CUX2: variants seen among roughly 807,000 people sequenced by gnomAD.
CUX2 encodes the protein cut like homeobox 2, also known as homeobox protein cut-like 2.
Under a neutral mutation model 144.8 loss-of-function variants are expected in CUX2, and 40 were observed. That is an observed-to-expected ratio of 0.28 (90% confidence interval 0.21 to 0.36). The LOEUF (loss-of-function observed/expected upper bound fraction) is 0.36, where lower values mean the gene tolerates loss of function less well. CUX2 is among the 10% of genes least tolerant of loss of function. The pLI is 1.00. For missense variants in CUX2, 1,615 were observed against 1,994.0 expected (o/e 0.81, Z 3.62); for synonymous variants, 827 against 875.6 (o/e 0.94, Z 0.98).
intron 1 of CUX2, among the ~76,000 whole-genome samples, chr12:111,041,898 C>T (rs1256766789): frequency 2.6e-5 from 4 of 152,182 alleles, no homozygotes; most frequent in Admixed American, 2.0e-4. Flanking sequence ...CATGAAGATA[C>T]CCGGTTAGTA....
chr12:111,177,275 G>GA (rs1427930143), intron 1 of CUX2, among the ~76,000 whole-genome samples: 4 of 152,136 alleles, frequency 2.6e-5, no homozygotes, highest in Non-Finnish European at 5.9e-5. Flanking sequence ...CAAACATCAT[G>GA]AAAAATCAAA....
chr12:111,258,338 C>T (rs1883938512), intron 3 of CUX2, among the ~76,000 whole-genome samples: 1 of 152,114 alleles, frequency 6.6e-6, no homozygotes, highest in Non-Finnish European at 1.5e-5. Flanking sequence ...CATGGTGAAA[C>T]CCCGTCTCTA....
In CUX2 at chr12:111,320,647, G is replaced by T; in HGVS notation, c.2638G>T (p.Val880Leu). The change falls in exon 17 of 22, where the codon GTG becomes TTG. Residue 880 changes from valine to leucine, a missense_variant. Around this residue, in one of 12 missense-constraint regions of CUX2, gnomAD observed 390 missense variants for 387.1 expected, o/e 1.01. Transcript: ENST00000261726. This position sits in a 1 kb window ranked among gnomAD's most constrained non-coding sequence, Gnocchi z 8.1. ...CGTGCCGCGCACCCTGAAGCCCACCGTGCCGCCGCTGACCCCCGAGCAGTA... is the reference window on the plus strand; with the variant it reads ...CGTGCCGCGCACCCTGAAGCCCACCTTGCCGCCGCTGACCCCCGAGCAGTA... ...AYVPRTLKPT[V>L]PPLTPEQYEL... The T allele has an allele frequency of 6.3e-7, 1 of 1,596,248 alleles. No homozygotes were observed. Among genetic ancestry groups the T allele is most frequent in the Non-Finnish European group, 8.5e-7 (1 of 1,178,858 alleles).
At chr12:111,193,193 G>A (rs537554160) in intron 1 of CUX2, among the ~76,000 whole-genome samples, 1 of 152,306 alleles carries the variant, frequency 6.6e-6, no homozygotes, top group African/African-American at 2.4e-5. Flanking sequence ...CAGGAGTCCA[G>A]GAGAGAGGGA....
intron 18 of CUX2, among the ~76,000 whole-genome samples, chr12:111,325,662 G>T (rs1217231858): frequency 8.3e-6 from 1 of 120,500 alleles, no homozygotes; most frequent in Non-Finnish European, 1.7e-5. Context: ...GTGTTGTGGT[G>T]GGGGAGGGGT....
intron 18 of CUX2, among the ~76,000 whole-genome samples, chr12:111,324,350 C>CAAAA (rs763180221): frequency 1.4e-5 from 1 of 73,118 alleles, no homozygotes; most frequent in Non-Finnish European, 2.6e-5. Flanking sequence ...GACTCTGTCT[C>CAAAA]AAAAAAAAAA....
intron 4 of CUX2, chr12:111,270,576 G>T (rs771549411): frequency 1.3e-5 from 2 of 151,348 alleles, no homozygotes; most frequent in South Asian, 2.1e-4. Flanking sequence ...TATCGCACTC[G>T]TAGAGTCACT....
chr12:111,322,249 C>T lies in CUX2; in HGVS notation c.2767-172C>T, dbSNP rs567811725. 4.9e-5 allele frequency among the ~76,000 whole-genome samples: 7 copies of T among 144,102 alleles called. No individual in the cohort carries two copies. In the South Asian group the frequency reaches 1.6e-3, roughly 32 times the overall value. 94.5% of individuals were successfully genotyped at this position (144,102 alleles called of 152,430 possible). On this transcript the variant is annotated intron_variant, in intron 17 of 21. Transcript: ENST00000261726. The surrounding 1 kb of genome is among the most constrained non-coding windows in gnomAD (Gnocchi z 4.2). ...AGGAGAATCATTTGAACCTGGGAGGCGGAGTTTGCAGTGAGCTGAGATGGT... is the reference window on the plus strand; with the variant it reads ...AGGAGAATCATTTGAACCTGGGAGGTGGAGTTTGCAGTGAGCTGAGATGGT...
chr12:111,143,235 G>T (rs1392868188), intron 1 of CUX2, among the ~76,000 whole-genome samples: 3 of 152,144 alleles, frequency 2.0e-5, no homozygotes, highest in African/African-American at 2.4e-5. Flanking sequence ...AGCTTCCAAG[G>T]AGCTGCACTG....
chr12:111,056,103 G>T (rs1217885869), intron 1 of CUX2, among the ~76,000 whole-genome samples: 1 of 152,176 alleles, frequency 6.6e-6, no homozygotes, highest in Non-Finnish European at 1.5e-5. Context: ...GCTTTCTTTG[G>T]GTGTTCTTGT....
Position 111,295,504 on chromosome 12 carries a change from G to T in CUX2, c.637+95G>T. The T allele has an allele frequency of 9.0e-7, 1 of 1,108,544 alleles. No individual in the cohort carries two copies. Among genetic ancestry groups the T allele is most frequent in the South Asian group, 1.6e-5 (1 of 62,280 alleles). 68.7% of individuals were successfully genotyped at this position (1,108,544 alleles called of 1,614,324 possible). A position where few individuals can be genotyped will look rare whatever the true frequency, so the allele number is the denominator to read the frequency against. The stretch of plus-strand genomic sequence containing the variant: ...ACGGCTTGGGGTCTGCCACATCCAG[G>T]TGTTTTAGAATCAAGAGGGCAAAAT... On this transcript the variant is annotated intron_variant, in intron 7 of 21. Transcript: ENST00000261726. The surrounding 1 kb of genome is among the most constrained non-coding windows in gnomAD (Gnocchi z 5.0).
chr12:111,152,429 T>A (rs1197346737), intron 1 of CUX2, among the ~76,000 whole-genome samples: 3 of 152,302 alleles, frequency 2.0e-5, no homozygotes, highest in African/African-American at 7.2e-5. Context: ...CGCCTATGGC[T>A]CATCTAAAGG....
At chr12:111,147,206 T>A (rs562971928) in intron 1 of CUX2, among the ~76,000 whole-genome samples, 2 of 152,328 alleles carry the variant, frequency 1.3e-5, no homozygotes, top group Admixed American at 6.5e-5. Context: ...TTAGATGAGA[T>A]GAACTGTGGA....
intron 1 of CUX2, among the ~76,000 whole-genome samples, chr12:111,210,343 A>C (rs114085306): frequency 0.013 from 1,983 of 152,084 alleles, 56 homozygotes; most frequent in African/African-American, 0.046. Context: ...AGTGGTTTTT[A>C]ATGTCTTTGC....
At chr12:111,327,506 C>G (rs186047231) in intron 18 of CUX2, among the ~76,000 whole-genome samples, 3 of 152,130 alleles carry the variant, frequency 2.0e-5, no homozygotes, top group Admixed American at 6.6e-5. Flanking sequence ...CATTTGTTGA[C>G]GCTAGCCATC....
chr12:111,038,701 A>C (rs773457141), intron 1 of CUX2, among the ~76,000 whole-genome samples: 4 of 152,264 alleles, frequency 2.6e-5, no homozygotes, highest in Non-Finnish European at 5.9e-5. Context: ...TGCTTCTCAA[A>C]AACGGGCTCT....
intron 3 of CUX2, among the ~76,000 whole-genome samples, chr12:111,251,058 GCCT>G (rs1365256377): frequency 6.6e-6 from 1 of 152,036 alleles, no homozygotes; most frequent in African/African-American, 2.4e-5. Flanking sequence ...GCTAAAGAAA[GCCT>G]CCTGTCCCTT....
Position 111,348,799 on chromosome 12 carries a change from A to G in CUX2, c.*474A>G, listed in dbSNP as rs1464843466. ...TCGTTTTTGCCACTAGATGAGATTAAAAGAAGACAATTATTCAAAGCCATC... is the reference window on the plus strand; with the variant it reads ...TCGTTTTTGCCACTAGATGAGATTAGAAGAAGACAATTATTCAAAGCCATC... On this transcript the variant is annotated 3_prime_UTR_variant, in exon 22 of 22. Coordinates refer to ENST00000261726, the MANE Select transcript of CUX2 (RefSeq NM_015267.4). 6.4e-6 allele frequency: 1 copy of G among 156,634 alleles called. No individual in the cohort carries two copies. Among genetic ancestry groups the G allele is most frequent in the Admixed American group, 6.3e-5 (1 of 15,966 alleles). 9.7% of individuals were successfully genotyped at this position (156,634 alleles called of 1,614,324 possible). A position where few individuals can be genotyped will look rare whatever the true frequency, so the allele number is the denominator to read the frequency against.
chr12:111,283,088 C>T (rs554993944), intron 4 of CUX2, among the ~76,000 whole-genome samples: 1 of 151,998 alleles, frequency 6.6e-6, no homozygotes, highest in Non-Finnish European at 1.5e-5. Flanking sequence ...TGTGGTGGCG[C>T]ATGCCTGTAA....
Sources: gnomAD v4.1 joint callset for allele counts (sites outside exome capture counted in the v4.1 genomes callset) on GRCh38, gnomAD v4.1.1 for gene constraint, gnomAD v4.1.1 regional missense constraint, Gnocchi (gnomAD v3.1) non-coding constraint, MANE v1.5 for transcripts, NCBI Gene and HGNC (gene_info 2026-07-23, HGNC 2026-07-21) for gene names.